The following KCNIP1 variants were observed in gnomAD, a reference collection of about 807,000 sequenced individuals.
The protein encoded by KCNIP1 is potassium voltage-gated channel interacting protein 1, also known as A-type potassium channel modulatory protein KCNIP1.
A neutral mutation model predicts 33.0 loss-of-function variants in KCNIP1; 18 were observed. That is an observed-to-expected ratio of 0.55 (90% CI 0.38 to 0.81). The LOEUF is 0.81. Among genes scored for constraint, KCNIP1 ranks in the 30% least tolerant of loss-of-function variants. The pLI, the probability that KCNIP1 is intolerant of heterozygous loss-of-function variation, is 0.00. For synonymous variants in KCNIP1, 93 were observed against 98.3 expected, an observed-to-expected ratio of 0.95 and a Z score of 0.32; for missense variants, 238 against 271.6, an observed-to-expected ratio of 0.88 and a Z score of 0.87.
At chr5:170,640,519 G>T (rs1760499271) in intron 1 of KCNIP1, among the ~76,000 whole-genome samples, 1 of 152,184 alleles carries the variant, frequency 6.6e-6, no homozygotes, top group African/African-American at 2.4e-5. Context: ...CCAGAGCTGG[G>T]TTAAAATGAA....
chr5:170,548,178 G>A (rs944052878), intron 1 of KCNIP1, among the ~76,000 whole-genome samples: 42 of 152,076 alleles, frequency 2.8e-4, no homozygotes, highest in Admixed American at 2.5e-3. Flanking sequence ...TTTCAAATCT[G>A]CTAAGACATT....
At chr5:170,699,958 C>A (rs1417620785) in intron 1 of KCNIP1, among the ~76,000 whole-genome samples, 3 of 152,186 alleles carry the variant, frequency 2.0e-5, no homozygotes, top group Non-Finnish European at 4.4e-5. Flanking sequence ...CTAAAAATAA[C>A]AAGACTGTAT....
chr5:170,576,667 A>T (rs2113503986), intron 1 of KCNIP1, among the ~76,000 whole-genome samples: 2 of 152,328 alleles, frequency 1.3e-5, no homozygotes, highest in South Asian at 4.1e-4. Flanking sequence ...TAAAGTGGGG[A>T]CAAATGAGTA....
intron 1 of KCNIP1, among the ~76,000 whole-genome samples, chr5:170,635,590 C>G (rs1196503390): frequency 6.6e-6 from 1 of 152,200 alleles, no homozygotes; most frequent in Non-Finnish European, 1.5e-5. Flanking sequence ...CTTAGTTAAA[C>G]TTTCATTTAT....
At chr5:170,509,664 G>C (rs1754859522) in intron 1 of KCNIP1, among the ~76,000 whole-genome samples, 1 of 152,220 alleles carries the variant, frequency 6.6e-6, no homozygotes, top group South Asian at 2.1e-4. Flanking sequence ...CCACATGAAT[G>C]AATGAATATG....
chr5:170,732,872 A>G lies in KCNIP1; in HGVS notation c.508A>G (p.Thr170Ala), dbSNP rs1188493057. 1.9e-6 allele frequency: 3 copies of G among 1,613,454 alleles called. No homozygotes were observed. The East Asian group carries it at 6.7e-5, about 36-fold the overall frequency. The change falls in exon 6 of 8, where the codon ACT becomes GCT. Residue 170 changes from threonine (T) to alanine (A), a missense_variant. Transcript: ENST00000328939. ...KYTYPVLKEDTPRQHVDVFFQ... is the reference protein window; with the variant it reads ...KYTYPVLKEDAPRQHVDVFFQ... The stretch of plus-strand genomic sequence containing the variant: ...CACATATCCTGTGCTCAAAGAGGAC[A>G]CTCCAAGGCAGCATGTGGACGTCTT...
intron 1 of KCNIP1, among the ~76,000 whole-genome samples, chr5:170,674,773 C>A (rs998920181): frequency 6.6e-6 from 1 of 152,168 alleles, no homozygotes; most frequent in Non-Finnish European, 1.5e-5. Flanking sequence ...AACCAGGAAG[C>A]TTCTCTCCAG....
At chr5:170,360,174 G>A (rs576899899) in intron 1 of KCNIP1, among the ~76,000 whole-genome samples, 2 of 152,260 alleles carry the variant, frequency 1.3e-5, no homozygotes, top group East Asian at 3.9e-4. Context: ...TCTTCTTAGG[G>A]TTACAGAATC....
At chr5:170,475,291 C>G (rs1756831327) in intron 1 of KCNIP1, among the ~76,000 whole-genome samples, 1 of 152,240 alleles carries the variant, frequency 6.6e-6, no homozygotes, top group African/African-American at 2.4e-5. Context: ...CTTGGCTTCC[C>G]TCTCTACCAT....
chr5:170,684,389 GC>G (rs1189499921), intron 1 of KCNIP1, among the ~76,000 whole-genome samples: 1 of 152,152 alleles, frequency 6.6e-6, no homozygotes, highest in African/African-American at 2.4e-5. Context: ...ATTCCTCCTT[GC>G]CTCTTCCAGC....
intron 1 of KCNIP1, among the ~76,000 whole-genome samples, chr5:170,711,944 C>T (rs1401017140): frequency 6.6e-6 from 1 of 152,144 alleles, no homozygotes; most frequent in African/African-American, 2.4e-5. Context: ...GAAACTAATA[C>T]ACACTCAAGA....
rs188135021 is a variant in KCNIP1, at chr5:170,620,915, T to G, written c.62-97843T>G. ...GCAGGTATCCTCTTGACTGACAGCC[T>G]GTATGCTCTGCTTCCAGGATCCTTC... On this transcript the variant is annotated intron_variant, in intron 1 of 7. Transcript: ENST00000328939. Among the ~76,000 whole-genome samples, 885 of 152,290 alleles carry G rather than the reference T, an allele frequency of 5.8e-3. 8 individuals are homozygous for G. Among genetic ancestry groups the G allele is most frequent in the African/African-American group, 0.02 (846 of 41,558 alleles).
chr5:170,719,291 T>A (rs62392781), intron 2 of KCNIP1, among the ~76,000 whole-genome samples: 58,666 of 151,402 alleles, frequency 0.39, 12,558 homozygotes, highest in Non-Finnish European at 0.49. Flanking sequence ...TTAATTTACC[T>A]TGGGAAATGG....
Position 170,640,596 on chromosome 5 carries a change from A to G in KCNIP1, c.62-78162A>G, listed in dbSNP as rs146711369. Among the ~76,000 whole-genome samples the G allele has an allele frequency of 9.3e-3, 1,422 of 152,326 alleles. 19 individuals are homozygous for G. Among genetic ancestry groups the G allele is most frequent in the African/African-American group, 0.032 (1,329 of 41,576 alleles). ...TACTTCAGGCTTTTGAGCACAGAAC[A>G]GCGTCCATCCCTCCAAACACACACT... On this transcript the variant is annotated intron_variant, in intron 1 of 7. Coordinates refer to ENST00000328939, the MANE Select transcript of KCNIP1 (RefSeq NM_014592.4).
chr5:170,691,506 A>G (rs989380539), intron 1 of KCNIP1, among the ~76,000 whole-genome samples: 1 of 152,236 alleles, frequency 6.6e-6, no homozygotes, highest in African/African-American at 2.4e-5. Context: ...CCTCATCTAT[A>G]AAGTGGGGTA....
chr5:170,543,261 G>A (rs867203280), intron 1 of KCNIP1, among the ~76,000 whole-genome samples: 2 of 152,028 alleles, frequency 1.3e-5, no homozygotes, highest in African/African-American at 2.4e-5. Context: ...AAGTAGACAC[G>A]GACAGTCCTC....
At chr5:170,559,464 G>C (rs1756958795) in intron 1 of KCNIP1, among the ~76,000 whole-genome samples, 1 of 151,908 alleles carries the variant, frequency 6.6e-6, no homozygotes, top group Non-Finnish European at 1.5e-5. Context: ...ACTTGGGATG[G>C]GCCCACCCTC....
At chr5:170,571,921 C>G (rs959736329) in intron 1 of KCNIP1, among the ~76,000 whole-genome samples, 1 of 152,196 alleles carries the variant, frequency 6.6e-6, no homozygotes, top group African/African-American at 2.4e-5. Context: ...TGCATCCCTC[C>G]TGATCTATCT....
intron 1 of KCNIP1, among the ~76,000 whole-genome samples, chr5:170,506,281 C>A (rs1468291461): frequency 6.6e-6 from 1 of 152,120 alleles, no homozygotes; most frequent in Non-Finnish European, 1.5e-5. Flanking sequence ...AAGTCCCCCG[C>A]ACCTCCCTAA....
Sources: gnomAD v4.1 joint callset for allele counts (sites outside exome capture counted in the v4.1 genomes callset) on GRCh38, gnomAD v4.1.1 for gene constraint, MANE v1.5 for transcripts, NCBI Gene and HGNC (gene_info 2026-07-23, HGNC 2026-07-21) for gene names.